Variants in MYH3 observed in about 807,000 individuals in gnomAD.
MYH3 encodes the protein myosin-3.
A neutral mutation model predicts 238.0 loss-of-function variants in MYH3; 130 were observed. The observed-to-expected ratio is 0.55, with a 90% CI of 0.47 to 0.63. The LOEUF is 0.63. Ranked by LOEUF, MYH3 falls within the 30% of genes least tolerant of loss-of-function variation. The pLI, the probability that MYH3 is intolerant of heterozygous loss-of-function variation, is 0.00. For synonymous variants in MYH3, 880 were observed against 924.1 expected (o/e 0.95, Z 0.86); for missense variants, 1,853 against 2,374.9 (o/e 0.78, Z 4.57).
intron 8 of MYH3, among the ~76,000 whole-genome samples, chr17:10,648,341 C>T (rs1366927553): frequency 6.6e-6 from 1 of 152,198 alleles, no homozygotes; most frequent in Non-Finnish European, 1.5e-5. Flanking sequence ...GTCTTCCCTG[C>T]CCACCCTGCC....
chr17:10,632,895 A>G, intron 33 of MYH3, 111 bp from the exon 34 acceptor site: 3 of 1,212,578 alleles, frequency 2.5e-6, no homozygotes, highest in South Asian at 1.2e-5. Context: ...TAATCCTACA[A>G]TAGTCACAAT....
At chr17:10,658,155 G>GC, upstream of MYH3, among the ~76,000 whole-genome samples, 1 of 152,290 alleles carries the variant, frequency 6.6e-6, no homozygotes, top group Non-Finnish European at 1.5e-5. Flanking sequence ...ACAAGGGGGG[G>GC]CTGTCTAACA....
intron 12 of MYH3, among the ~76,000 whole-genome samples, chr17:10,645,311 A>C (rs886373146): frequency 3.3e-5 from 5 of 151,992 alleles, no homozygotes; most frequent in African/African-American, 1.2e-4. Context: ...GTGTGCCTGT[A>C]ATCCCAGCTA....
chr17:10,637,596 T>G (rs2074227359), intron 28 of MYH3, among the ~76,000 whole-genome samples: 2 of 152,176 alleles, frequency 1.3e-5, no homozygotes, highest in Non-Finnish European at 2.9e-5. Context: ...GGTCTACTCC[T>G]CTTTCTCTCT....
chr17:10,637,780 G>T, intron 28 of MYH3, 29 bp downstream of exon 28: 1 of 1,613,546 alleles, frequency 6.2e-7, no homozygotes, highest in Non-Finnish European at 8.5e-7. Context: ...GGAGGTTTTG[G>T]CCCCACGGGT....
intron 36 of MYH3, 143 bp downstream of exon 36, chr17:10,631,468 G>T (rs2074156092): frequency 7.8e-6 from 9 of 1,157,724 alleles, no homozygotes; most frequent in Admixed American, 2.0e-5. Flanking sequence ...GGGAACAGGG[G>T]AGTTTGAGCG....
chr17:10,646,338 C>G (rs1019129743), intron 10 of MYH3, among the ~76,000 whole-genome samples: 1 of 152,122 alleles, frequency 6.6e-6, no homozygotes, highest in African/African-American at 2.4e-5. Context: ...GGAAAACTGG[C>G]TGAGTGCGGG....
upstream of MYH3, among the ~76,000 whole-genome samples, chr17:10,661,662 A>G (rs2142443343): frequency 1.3e-5 from 2 of 152,110 alleles, no homozygotes; most frequent in Middle Eastern, 6.8e-3. Flanking sequence ...CTGCCCAGCT[A>G]TTTTCTCCAC....
chr17:10,669,628 G>A, the MYH3 span, among the ~76,000 whole-genome samples: 1 of 151,954 alleles, frequency 6.6e-6, no homozygotes, highest in Non-Finnish European at 1.5e-5. Context: ...TTCAGGTTGG[G>A]CACGGTGGCT....
At chr17:10,635,244 G>T (rs1196085406) in intron 30 of MYH3, 123 bp downstream of exon 30, 3 of 1,514,678 alleles carry the variant, frequency 2.0e-6, no homozygotes, top group Non-Finnish European at 2.7e-6. Context: ...CTAACGCCAG[G>T]TCCCTCTAAT....
At chr17:10,643,773 T>C (rs1417263582) in intron 14 of MYH3, among the ~76,000 whole-genome samples, 1 of 152,238 alleles carries the variant, frequency 6.6e-6, no homozygotes, top group Non-Finnish European at 1.5e-5. Flanking sequence ...TGGCAGTCCC[T>C]AAATCAGTGA....
At chr17:10,671,322 A>G in the MYH3 span, among the ~76,000 whole-genome samples, 2 of 152,188 alleles carry the variant, frequency 1.3e-5, no homozygotes, top group South Asian at 4.1e-4. Context: ...CTGTTAATAA[A>G]TGCATAAAGA....
the MYH3 span, among the ~76,000 whole-genome samples, chr17:10,665,436 C>T: frequency 4.6e-5 from 7 of 152,216 alleles, no homozygotes; most frequent in South Asian, 6.2e-4. Context: ...AGCCACCGAA[C>T]CCAGACTATA....
chr17:10,637,530 T>C (rs1306530607), intron 28 of MYH3, among the ~76,000 whole-genome samples: 1 of 152,214 alleles, frequency 6.6e-6, no homozygotes, highest in Non-Finnish European at 1.5e-5. Context: ...GATGCAAGTT[T>C]ATATTAATTT....
chr17:10,645,621 C>A, intron 12 of MYH3, 86 bp downstream of exon 12: 4 of 1,549,924 alleles, frequency 2.6e-6, no homozygotes, highest in Non-Finnish European at 3.5e-6. Flanking sequence ...CTGTGCCTGG[C>A]TGGATTAATT....
chr17:10,662,825 G>A, the MYH3 span, among the ~76,000 whole-genome samples: 8 of 152,086 alleles, frequency 5.3e-5, no homozygotes, highest in Non-Finnish European at 8.8e-5. Flanking sequence ...AGTGGCTGAC[G>A]CCTGTAACCT....
At chr17:10,664,073 A>AT in the MYH3 span, among the ~76,000 whole-genome samples, 2 of 151,712 alleles carry the variant, frequency 1.3e-5, no homozygotes, top group South Asian at 4.2e-4. Flanking sequence ...AAAAAAAAAA[A>AT]AAAAAAAAAA....
At chr17:10,677,712 T>A in the MYH3 span, 1 of 152,254 alleles carries the variant, frequency 6.6e-6, no homozygotes, top group African/African-American at 2.4e-5. Flanking sequence ...AGGATTCTTA[T>A]ACTTTTCAAA....
At chr17:10,631,520 G>C in intron 36 of MYH3, 91 bp downstream of exon 36, 1 of 1,590,466 alleles carries the variant, frequency 6.3e-7, no homozygotes, top group Admixed American at 1.7e-5. Context: ...ACCAGGTGTG[G>C]CTGGGGGAGA....
Sources: allele counts gnomAD v4.1 joint callset (sites outside exome capture counted in the v4.1 genomes callset), GRCh38; gene constraint gnomAD v4.1.1; transcripts MANE v1.5; gene names NCBI Gene and HGNC (gene_info 2026-07-23, HGNC 2026-07-21).